The following SLC25A26 variants were observed in gnomAD, a reference collection of about 807,000 sequenced individuals.
The protein encoded by SLC25A26 is solute carrier family 25 member 26, also known as mitochondrial S-adenosylmethionine carrier protein.
In SLC25A26, 36 loss-of-function variants were observed where a neutral mutation model predicts 37.8. The ratio of observed to expected loss-of-function variants is 0.95; its 90% CI spans 0.73 to 1.26. The LOEUF (loss-of-function observed/expected upper bound fraction) is 1.26, where lower values mean the gene tolerates loss of function less well. Among genes scored for constraint, SLC25A26 ranks in the 50% most tolerant of loss-of-function variants. SLC25A26 has a pLI of 0.00. For missense variants in SLC25A26, 390 were observed against 331.1 expected, an observed-to-expected ratio of 1.18 and a Z score of -1.38; for synonymous variants, 129 against 122.5, an observed-to-expected ratio of 1.05 and a Z score of -0.35.
intron 5 of SLC25A26, among the ~76,000 whole-genome samples, chr3:66,314,976 T>G (rs1015135630): frequency 6.6e-6 from 1 of 152,014 alleles, no homozygotes; most frequent in African/African-American, 2.4e-5. Flanking sequence ...GATATCCCCT[T>G]TATCACTTTT....
chr3:66,266,291 T>G (rs2073746863), intron 5 of SLC25A26, among the ~76,000 whole-genome samples: 1 of 152,230 alleles, frequency 6.6e-6, no homozygotes, highest in Non-Finnish European at 1.5e-5. Context: ...GTGATACATC[T>G]GCTTTAAGCA....
At chr3:66,139,232 G>A (rs1184495317) in intron 1 of SLC25A26, among the ~76,000 whole-genome samples, 3 of 152,062 alleles carry the variant, frequency 2.0e-5, no homozygotes, top group Non-Finnish European at 4.4e-5. Context: ...GAATAAAAAA[G>A]GAATGGTGAA....
chr3:66,204,520 C>T (rs1452894769), intron 1 of SLC25A26, among the ~76,000 whole-genome samples: 4 of 151,118 alleles, frequency 2.6e-5, no homozygotes, highest in Non-Finnish European at 5.9e-5. Context: ...TCTAAAATGC[C>T]AATATCATCA....
chr3:66,275,566 A>G (rs781461937), intron 5 of SLC25A26, among the ~76,000 whole-genome samples: 1 of 152,098 alleles, frequency 6.6e-6, no homozygotes, highest in Non-Finnish European at 1.5e-5. Flanking sequence ...ACTTAATCAT[A>G]CTTGCTTCTC....
intron 1 of SLC25A26, among the ~76,000 whole-genome samples, chr3:66,203,894 C>A (rs2071139926): frequency 1.3e-5 from 2 of 152,158 alleles, no homozygotes; most frequent in Admixed American, 1.3e-4. Context: ...ACACTATGAG[C>A]CTCACAATGG....
At chr3:66,288,084 G>T (rs2062084) in intron 5 of SLC25A26, among the ~76,000 whole-genome samples, 2 of 152,174 alleles carry the variant, frequency 1.3e-5, no homozygotes, top group Admixed American at 1.3e-4. Context: ...TCTGCCCCTA[G>T]ACAGCTTCTC....
intron 5 of SLC25A26, among the ~76,000 whole-genome samples, chr3:66,344,717 G>A (rs1365541094): frequency 6.6e-6 from 1 of 152,230 alleles, no homozygotes; most frequent in Non-Finnish European, 1.5e-5. Flanking sequence ...TTCAGCTGCT[G>A]GGTGGGGTCC....
chr3:66,329,705 T>G (rs1458664146), intron 5 of SLC25A26, among the ~76,000 whole-genome samples: 1 of 152,156 alleles, frequency 6.6e-6, no homozygotes, highest in East Asian at 1.9e-4. Context: ...ATTGTTCCAA[T>G]TTTTTTCCTC....
chr3:66,266,096 T>C (rs964083967), intron 5 of SLC25A26, among the ~76,000 whole-genome samples: 28 of 152,238 alleles, frequency 1.8e-4, no homozygotes, highest in African/African-American at 6.5e-4. Flanking sequence ...CTCACTGAGA[T>C]GACTTTGTTT....
chr3:66,174,799 GAA>G (rs1312205685), intron 1 of SLC25A26, among the ~76,000 whole-genome samples: 1 of 65,896 alleles, frequency 1.5e-5, no homozygotes, highest in African/African-American at 6.0e-5. Context: ...GTCTCAAAAA[GAA>G]AAAAAAAAAA....
intron 1 of SLC25A26, 58 bp downstream of exon 1, chr3:66,221,185 C>T (rs2071473143): frequency 5.4e-6 from 8 of 1,477,582 alleles, no homozygotes; most frequent in Non-Finnish European, 7.2e-6. Context: ...CATTGGAGCC[C>T]GCGGGCGTTC....
chr3:66,317,832 G>C (rs767714750), intron 5 of SLC25A26, among the ~76,000 whole-genome samples: 5 of 152,200 alleles, frequency 3.3e-5, no homozygotes, highest in African/African-American at 7.2e-5. Flanking sequence ...CCACAGGGAG[G>C]CACTACCCAG....
chr3:66,298,306 T>C (rs2074969853), intron 5 of SLC25A26, among the ~76,000 whole-genome samples: 1 of 152,242 alleles, frequency 6.6e-6, no homozygotes, highest in African/African-American at 2.4e-5. Flanking sequence ...ATTACTAAGC[T>C]GGTGAAATTA....
intron 5 of SLC25A26, among the ~76,000 whole-genome samples, chr3:66,300,726 G>A (rs1234378789): frequency 6.6e-6 from 1 of 152,112 alleles, no homozygotes; most frequent in Non-Finnish European, 1.5e-5. Context: ...TAGAAAGAAG[G>A]AAATATAAAT....
rs1286637211 is a variant in SLC25A26, at chr3:66,164,482, G to GC, written c.-354+30504dup. Among the ~76,000 whole-genome samples, 27 of 151,894 alleles carry GC rather than the reference G, an allele frequency of 1.8e-4. 1 individual carries two copies. The highest frequency in any genetic ancestry group is 5.6e-4 in the African/African-American group (23 of 41,424). ...TGAGGGAGAAAAATCCTTTCCAGAAGCCCCCCAATGCCCAATAGGCTTTCT... is the reference window on the plus strand; with the variant it reads ...TGAGGGAGAAAAATCCTTTCCAGAAGCCCCCCCAATGCCCAATAGGCTTTCT... On this transcript the variant is annotated intron_variant, in intron 1 of 10. Coordinates refer to the SLC25A26 transcript ENST00000676754.
At chr3:66,225,310 C>T (rs1003715691) in intron 1 of SLC25A26, among the ~76,000 whole-genome samples, 1 of 152,244 alleles carries the variant, frequency 6.6e-6, no homozygotes, top group African/African-American at 2.4e-5. Flanking sequence ...TTCTTGTCTT[C>T]TGCACACCCA....
chr3:66,317,181 G>C lies in SLC25A26; in HGVS notation c.454-29183G>C, dbSNP rs1024794013. ...TGCTGTGATTATTTGGAGGAGAAGA[G>C]GCCCTCTGACTTTTTGAGTTTGCAG... On this transcript the variant is annotated intron_variant, in intron 5 of 9. Transcript: ENST00000354883. 2.0e-5 allele frequency among the ~76,000 whole-genome samples: 3 copies of C among 152,296 alleles called. No homozygotes were observed. The East Asian group carries it at 5.8e-4, about 29-fold the overall frequency.
chr3:66,268,879 G>A (rs759991616), intron 5 of SLC25A26, among the ~76,000 whole-genome samples: 1 of 152,206 alleles, frequency 6.6e-6, no homozygotes, highest in Non-Finnish European at 1.5e-5. Flanking sequence ...CTTCTGCCAT[G>A]TAAGACGTGC....
At chr3:66,270,865 T>G (rs1008321834) in intron 5 of SLC25A26, among the ~76,000 whole-genome samples, 7 of 152,218 alleles carry the variant, frequency 4.6e-5, no homozygotes, top group South Asian at 2.1e-4. Context: ...TTCTCATGTT[T>G]CGTTTACATG....
Sources: gnomAD v4.1 joint callset for allele counts (sites outside exome capture counted in the v4.1 genomes callset) on GRCh38, gnomAD v4.1.1 for gene constraint, MANE v1.5 for transcripts, NCBI Gene and HGNC (gene_info 2026-07-23, HGNC 2026-07-21) for gene names.